The following SLC5A4 variants were observed in gnomAD, a reference collection of about 807,000 sequenced individuals.
The protein encoded by SLC5A4 is probable glucose sensor protein SLC5A4.
SLC5A4 carries 55 observed loss-of-function variants against 70.3 expected under a neutral mutation model. That is an observed-to-expected ratio of 0.78 (90% confidence interval 0.63 to 0.98). The LOEUF (loss-of-function observed/expected upper bound fraction) is 0.98. Ranked by LOEUF, SLC5A4 falls within the 50% of genes least tolerant of loss-of-function variation. SLC5A4 has a pLI of 0.00. For missense variants in SLC5A4, 735 were observed against 839.2 expected (o/e 0.88, Z 1.53); for synonymous variants, 268 against 305.7 (o/e 0.88, Z 1.29).
upstream of SLC5A4, among the ~76,000 whole-genome samples, chr22:32,257,673 T>TTTTTTAA (rs1379029772): frequency 1.6e-5 from 2 of 128,314 alleles, no homozygotes; most frequent in African/African-American, 7.3e-5. Context: ...TTTTTTTAAT[T>TTTTTTAA]TTTTTTTTTG....
At chr22:32,330,803 GGT>G in the SLC5A4 span, among the ~76,000 whole-genome samples, 3 of 130,664 alleles carry the variant, frequency 2.3e-5, no homozygotes, top group African/African-American at 2.9e-5. Context: ...TGGGGGCTCT[GGT>G]GTGTGTTTTG....
At chr22:32,273,227 C>CA in the SLC5A4 span, 1 of 341,240 alleles carries the variant, frequency 2.9e-6, no homozygotes, top group Non-Finnish European at 5.8e-6. Context: ...TCAAGAATCT[C>CA]AAAAATATTC....
chr22:32,337,036 G>A, the SLC5A4 span, among the ~76,000 whole-genome samples: 1 of 152,356 alleles, frequency 6.6e-6, no homozygotes, highest in South Asian at 2.1e-4. Flanking sequence ...TGCCTAAGAC[G>A]TTTCCTTGGG....
At chr22:32,348,190 C>T in the SLC5A4 span, among the ~76,000 whole-genome samples, 1 of 152,164 alleles carries the variant, frequency 6.6e-6, no homozygotes, top group Non-Finnish European at 1.5e-5. Flanking sequence ...ACCTCCAGGG[C>T]CCCACCCCAG....
the SLC5A4 span, among the ~76,000 whole-genome samples, chr22:32,282,419 G>T: frequency 7.6e-6 from 1 of 131,766 alleles, no homozygotes; most frequent in Non-Finnish European, 1.7e-5. Context: ...TCTCAGCCTC[G>T]CTCCCACCTT....
chr22:32,288,541 TTTG>T, the SLC5A4 span, among the ~76,000 whole-genome samples: 1 of 152,106 alleles, frequency 6.6e-6, no homozygotes, highest in Admixed American at 6.6e-5. Flanking sequence ...CTCTGTCTCT[TTTG>T]TTTTTTTCTT....
chr22:32,304,565 C>T, the SLC5A4 span, among the ~76,000 whole-genome samples: 3 of 152,228 alleles, frequency 2.0e-5, no homozygotes, highest in African/African-American at 4.8e-5. Context: ...AGGTGCAAGC[C>T]ACTGTGCCTG....
At chr22:32,269,552 C>T in the SLC5A4 span, 4 of 625,538 alleles carry the variant, frequency 6.4e-6, no homozygotes, top group South Asian at 2.8e-5. The surrounding 1 kb of genome is among the most constrained non-coding windows in gnomAD (Gnocchi z 4.1). Flanking sequence ...GCTAACATCA[C>T]GCAGAAGGTG....
chr22:32,351,597 G>C, the SLC5A4 span, among the ~76,000 whole-genome samples: 1 of 149,846 alleles, frequency 6.7e-6, no homozygotes, highest in East Asian at 2.0e-4. Context: ...AGCTACTCAA[G>C]AGGCTGAGGC....
At chr22:32,352,778 G>C in the SLC5A4 span, among the ~76,000 whole-genome samples, 1 of 152,170 alleles carries the variant, frequency 6.6e-6, no homozygotes, top group Non-Finnish European at 1.5e-5. Context: ...ACCCTACAAG[G>C]CTCCTAACAC....
chr22:32,334,374 A>C, the SLC5A4 span, among the ~76,000 whole-genome samples: 1 of 151,876 alleles, frequency 6.6e-6, no homozygotes, highest in Non-Finnish European at 1.5e-5. Flanking sequence ...CTTGGTTCAG[A>C]CCCTCGAGTT....
the SLC5A4 span, among the ~76,000 whole-genome samples, chr22:32,321,776 T>A: frequency 6.6e-6 from 1 of 152,222 alleles, no homozygotes; most frequent in Admixed American, 6.5e-5. Context: ...GCTCCATGCA[T>A]GTCCCTGCAA....
chr22:32,316,104 GTCT>G, the SLC5A4 span, among the ~76,000 whole-genome samples: 8 of 87,746 alleles, frequency 9.1e-5, no homozygotes, highest in Admixed American at 2.7e-4. Flanking sequence ...AGGAGACTCT[GTCT>G]GAAAAAAAAA....
the SLC5A4 span, among the ~76,000 whole-genome samples, chr22:32,340,164 A>T: frequency 2.0e-5 from 3 of 152,176 alleles, no homozygotes; most frequent in African/African-American, 7.2e-5. Flanking sequence ...CTCCTTCATA[A>T]AATGAGGCTC....
chr22:32,263,601 G>A, the SLC5A4 span, among the ~76,000 whole-genome samples: 1 of 152,184 alleles, frequency 6.6e-6, no homozygotes, highest in Non-Finnish European at 1.5e-5. Context: ...ACTGTTGGTG[G>A]GAGTGTAAAT....
chr22:32,340,363 T>A, the SLC5A4 span, among the ~76,000 whole-genome samples: 1 of 152,190 alleles, frequency 6.6e-6, no homozygotes, highest in Non-Finnish European at 1.5e-5. Flanking sequence ...TCATGCAACA[T>A]GGATGTACTG....
At chr22:32,341,180 G>T in the SLC5A4 span, among the ~76,000 whole-genome samples, 1 of 152,242 alleles carries the variant, frequency 6.6e-6, no homozygotes, top group African/African-American at 2.4e-5. Flanking sequence ...AAGGGAGAGA[G>T]ACCAGGGGAG....
the SLC5A4 span, among the ~76,000 whole-genome samples, chr22:32,311,486 A>G: frequency 6.6e-6 from 1 of 152,176 alleles, no homozygotes; most frequent in Non-Finnish European, 1.5e-5. Flanking sequence ...CATCCATCTC[A>G]TAGGTGCCCC....
the SLC5A4 span, among the ~76,000 whole-genome samples, chr22:32,264,342 G>T: frequency 2.0e-5 from 3 of 152,120 alleles, no homozygotes; most frequent in African/African-American, 7.2e-5. Flanking sequence ...GGGAGGCCAA[G>T]GCAGGAGGAT....
Sources: allele counts gnomAD v4.1 joint callset (sites outside exome capture counted in the v4.1 genomes callset), GRCh38; gene constraint gnomAD v4.1.1; non-coding constraint Gnocchi (gnomAD v3.1); transcripts MANE v1.5; gene names NCBI Gene and HGNC (gene_info 2026-07-23, HGNC 2026-07-21).